TEX9: variants seen among roughly 807,000 people sequenced by gnomAD.
The protein encoded by TEX9 is testis expressed 9.
TEX9 carries 74 observed loss-of-function variants against 59.6 expected under a neutral mutation model. That is an observed-to-expected ratio of 1.24 (90% CI 1.03 to 1.51). The LOEUF (loss-of-function observed/expected upper bound fraction) is 1.51. Among genes scored for constraint, TEX9 ranks in the 40% most tolerant of loss-of-function variants. The pLI is 0.00. For missense variants in TEX9, 522 were observed against 447.8 expected (o/e 1.17, Z -1.49); for synonymous variants, 186 against 152.2 (o/e 1.22, Z -1.64).
intron 12 of TEX9, chr15:56,443,622 G>C: frequency 6.2e-7 from 1 of 1,605,484 alleles, no homozygotes; most frequent in Non-Finnish European, 8.5e-7. Flanking sequence ...TGTTAAAGAA[G>C]TGGTTATTTT....
chr15:56,449,566 C>T (rs906246212), downstream of TEX9, among the ~76,000 whole-genome samples: 2 of 152,094 alleles, frequency 1.3e-5, no homozygotes, highest in African/African-American at 2.4e-5. Context: ...TTTCTCATAT[C>T]GTATTCAGGT....
chr15:56,254,526 AAC>A (rs2044099387), intron 1 of TEX9, among the ~76,000 whole-genome samples: 1 of 151,540 alleles, frequency 6.6e-6, no homozygotes, highest in African/African-American at 2.4e-5. Context: ...TCTGAAAAGA[AAC>A]ACTCTCCCCA....
chr15:56,419,316 A>G (rs1283830370), intron 10 of TEX9, among the ~76,000 whole-genome samples: 2 of 151,874 alleles, frequency 1.3e-5, no homozygotes, highest in Non-Finnish European at 2.9e-5. Context: ...TAAAGGACCA[A>G]CTAGTAAATG....
intron 1 of TEX9, among the ~76,000 whole-genome samples, chr15:56,335,697 AC>A (rs1423779874): frequency 5.9e-5 from 9 of 152,126 alleles, no homozygotes; most frequent in Admixed American, 5.2e-4. Context: ...AATGATGGAC[AC>A]CCCATTTACC....
intron 1 of TEX9, among the ~76,000 whole-genome samples, chr15:56,254,395 A>C (rs2044096631): frequency 6.6e-6 from 1 of 151,814 alleles, no homozygotes; most frequent in African/African-American, 2.4e-5. Flanking sequence ...CTGGACTGCT[A>C]CTCACATTCC....
chr15:56,268,401 C>T (rs1227924321), intron 1 of TEX9, among the ~76,000 whole-genome samples: 1 of 152,114 alleles, frequency 6.6e-6, no homozygotes, highest in East Asian at 1.9e-4. Flanking sequence ...CTATCTTGTG[C>T]CAGTTTTCAA....
At chr15:56,319,409 G>C (rs1282805191) in intron 1 of TEX9, among the ~76,000 whole-genome samples, 1 of 151,676 alleles carries the variant, frequency 6.6e-6, no homozygotes, top group South Asian at 2.1e-4. Context: ...ACAGATCATA[G>C]TGGGCATTTC....
At chr15:56,269,080 C>A (rs1041382887) in intron 1 of TEX9, among the ~76,000 whole-genome samples, 7 of 152,094 alleles carry the variant, frequency 4.6e-5, no homozygotes, top group Non-Finnish European at 1.0e-4. Flanking sequence ...AGGAATTTAT[C>A]CATTTCTTCT....
chr15:56,364,980 A>C (rs1270245952), upstream of TEX9, among the ~76,000 whole-genome samples: 3 of 152,222 alleles, frequency 2.0e-5, no homozygotes, highest in African/African-American at 7.2e-5. Context: ...ATAATAATTT[A>C]GGTTGACTAA....
In TEX9 at chr15:56,443,031, T is replaced by C. The variant is rs73415837; in HGVS notation, c.*30-2640T>C. 3.3e-3 allele frequency among the ~76,000 whole-genome samples: 502 copies of C among 152,334 alleles called. 2 individuals are homozygous for C. The highest frequency in any genetic ancestry group is 0.012 in the African/African-American group (484 of 41,576). On this transcript the variant is annotated intron_variant, in intron 12 of 12. Transcript: ENST00000352903. ...TTAGGTTCACACGCCTTTAGGACTA[T>C]GACATCTTCTAGATGAATTTACTGT... is the stretch of plus-strand genomic sequence containing the variant.
At chr15:56,446,366 C>T (rs1284027047), downstream of TEX9, among the ~76,000 whole-genome samples, 1 of 151,922 alleles carries the variant, frequency 6.6e-6, no homozygotes, top group Non-Finnish European at 1.5e-5. Context: ...TAACTCTTAT[C>T]TTCAACTTGG....
chr15:56,367,882 C>G (rs1235562200), intron 2 of TEX9, among the ~76,000 whole-genome samples: 1 of 152,174 alleles, frequency 6.6e-6, no homozygotes, highest in African/African-American at 2.4e-5. Flanking sequence ...TATATACACA[C>G]AGATCTTCAG....
Position 56,327,925 on chromosome 15 carries a change from C to G in TEX9, c.-106-45516C>G, listed in dbSNP as rs147728794. ...GCAGTCTAGGCCACAAGAACCGCAA[C>G]TCTTAGGCAAGTCGTAGTGCTGAAC... is the stretch of plus-strand genomic sequence containing the variant. On this transcript the variant is annotated intron_variant, in intron 1 of 5. Transcript: ENST00000560827. Among the ~76,000 whole-genome samples, 4 of 152,182 alleles carry G rather than the reference C, an allele frequency of 2.6e-5. No individual in the cohort carries two copies. In the East Asian group the frequency reaches 5.8e-4, roughly 22 times the overall value.
chr15:56,448,652 T>G (rs1259728680), downstream of TEX9, among the ~76,000 whole-genome samples: 3 of 152,182 alleles, frequency 2.0e-5, no homozygotes, highest in Non-Finnish European at 4.4e-5. Context: ...GCACCTGGAT[T>G]AATTCCATGT....
chr15:56,409,746 A>G (rs1362118847), intron 9 of TEX9: 15 of 152,314 alleles, frequency 9.8e-5, no homozygotes, highest in African/African-American at 3.4e-4. Context: ...ATCTTCCCAC[A>G]TTGGACTCCC....
chr15:56,316,720 T>A (rs2045776498), intron 1 of TEX9, among the ~76,000 whole-genome samples: 1 of 152,188 alleles, frequency 6.6e-6, no homozygotes, highest in African/African-American at 2.4e-5. Flanking sequence ...TAATCAAGCC[T>A]GGGCAATGGT....
intron 10 of TEX9, among the ~76,000 whole-genome samples, chr15:56,424,230 C>T (rs2050135893): frequency 6.6e-6 from 1 of 152,040 alleles, no homozygotes; most frequent in African/African-American, 2.4e-5. Flanking sequence ...CCCATATGTT[C>T]TTATATAATG....
intron 1 of TEX9, among the ~76,000 whole-genome samples, chr15:56,319,976 G>A (rs983402116): frequency 7.2e-5 from 11 of 152,124 alleles, no homozygotes; most frequent in Non-Finnish European, 1.6e-4. Context: ...GGTATATCAG[G>A]CTGAACAGAG....
chr15:56,433,587 G>C (rs528216360), intron 12 of TEX9, among the ~76,000 whole-genome samples: 1 of 152,164 alleles, frequency 6.6e-6, no homozygotes, highest in Non-Finnish European at 1.5e-5. Context: ...TTCACCACTT[G>C]TCACTGGGAT....
Sources: gnomAD v4.1 joint callset for allele counts (sites outside exome capture counted in the v4.1 genomes callset) on GRCh38, gnomAD v4.1.1 for gene constraint, MANE v1.5 for transcripts, NCBI Gene and HGNC (gene_info 2026-07-23, HGNC 2026-07-21) for gene names.